Variants in C4orf51 observed in about 807,000 individuals in gnomAD.
C4orf51 encodes the protein chromosome 4 open reading frame 51.
Under a neutral mutation model 25.2 loss-of-function variants are expected in C4orf51, and 25 were observed. The observed-to-expected ratio is 0.99, with a 90% confidence interval of 0.72 to 1.39. C4orf51 has a LOEUF of 1.39. Ranked by LOEUF, C4orf51 falls within the 40% of genes most tolerant of loss-of-function variation. C4orf51 has a pLI of 0.00. For synonymous variants in C4orf51, 100 were observed against 84.5 expected (o/e 1.18, Z -1.01); for missense variants, 252 against 239.6 (o/e 1.05, Z -0.34).
chr4:145,700,318 C>G (rs995541130), intron 2 of C4orf51, among the ~76,000 whole-genome samples: 1 of 151,850 alleles, frequency 6.6e-6, no homozygotes, highest in Non-Finnish European at 1.5e-5. Flanking sequence ...GGTAAGAACC[C>G]CCAAATCCCT....
At chr4:145,742,724 T>G (rs1033902645) in intron 1 of C4orf51, among the ~76,000 whole-genome samples, 1 of 151,774 alleles carries the variant, frequency 6.6e-6, no homozygotes, top group African/African-American at 2.4e-5. Context: ...GTATTTTTAG[T>G]AGAGACGGGG....
rs749345999 is a variant in C4orf51, at chr4:145,680,150, C to A, written c.-54C>A. 7 of 1,328,224 alleles carry A rather than the reference C, an allele frequency of 5.3e-6. No homozygotes were observed. The highest frequency in any genetic ancestry group is 6.5e-6 in the Non-Finnish European group (6 of 923,176). The allele number at this position is 1,328,224 out of a possible 1,614,324, so 82.3% of individuals were successfully genotyped here. ...TCCTGCTACTAGAAGGAAATTAATT[C>A]TTCATTATGCAGAGGACTTGACAAG... is the stretch of plus-strand genomic sequence containing the variant. On this transcript the variant is annotated 5_prime_UTR_variant, in exon 1 of 6. Coordinates refer to ENST00000438731, the MANE Select transcript of C4orf51 (RefSeq NM_001080531.3).
intron 2 of C4orf51, among the ~76,000 whole-genome samples, chr4:145,704,288 C>T (rs1730654866): frequency 6.6e-6 from 1 of 152,144 alleles, no homozygotes; most frequent in Non-Finnish European, 1.5e-5. Flanking sequence ...CTCTCAACCT[C>T]TCCTGGATCT....
the C4orf51 span, among the ~76,000 whole-genome samples, chr4:145,776,657 G>C: frequency 6.6e-6 from 1 of 152,050 alleles, no homozygotes; most frequent in Non-Finnish European, 1.5e-5. Context: ...GGTGAGTGCT[G>C]AGCAGGGGAG....
Position 145,731,564 on chromosome 4 carries a change from C to CTTTTT in C4orf51, c.502-860_502-856dup, listed in dbSNP as rs398051305. ...TTTTTATTTATGAGACAAGGCAAAT[C>CTTTTT]TTTTTTTTTTTTTTTTTTTTTTTTT... is the stretch of plus-strand genomic sequence containing the variant. On this transcript the variant is annotated intron_variant, in intron 5 of 5. Coordinates refer to ENST00000438731, the MANE Select transcript of C4orf51 (RefSeq NM_001080531.3). 4.4e-3 allele frequency among the ~76,000 whole-genome samples: 191 copies of CTTTTT among 43,870 alleles called. 30 individuals are homozygous for CTTTTT. Among genetic ancestry groups the CTTTTT allele is most frequent in the East Asian group, 0.026 (31 of 1,206 alleles). The allele number at this position is 43,870 out of a possible 152,430, so 28.8% of individuals were successfully genotyped here.
At chr4:145,725,279 A>G (rs1731993708) in intron 2 of C4orf51, among the ~76,000 whole-genome samples, 1 of 152,234 alleles carries the variant, frequency 6.6e-6, no homozygotes, top group Non-Finnish European at 1.5e-5. Context: ...AATCACAAAG[A>G]CAATAACAAA....
intron 1 of C4orf51, among the ~76,000 whole-genome samples, chr4:145,686,822 A>G (rs1337018876): frequency 6.6e-6 from 1 of 152,216 alleles, no homozygotes; most frequent in Admixed American, 6.5e-5. Flanking sequence ...ATAATGAAGC[A>G]CTGATTAATG....
At chr4:145,685,964 A>T (rs2126656688) in intron 1 of C4orf51, among the ~76,000 whole-genome samples, 1 of 152,356 alleles carries the variant, frequency 6.6e-6, no homozygotes, top group South Asian at 2.1e-4. Flanking sequence ...TAATACATAA[A>T]GTATGATAAA....
intron 1 of C4orf51, among the ~76,000 whole-genome samples, chr4:145,685,542 G>T (rs540704183): frequency 6.6e-6 from 1 of 152,110 alleles, no homozygotes; most frequent in African/African-American, 2.4e-5. Context: ...AGCAAGCAGC[G>T]GGTAACGTGA....
intron 1 of C4orf51, among the ~76,000 whole-genome samples, chr4:145,751,912 A>G (rs1733698736): frequency 6.6e-6 from 1 of 152,146 alleles, no homozygotes; most frequent in Non-Finnish European, 1.5e-5. Context: ...CTCTCTCCAT[A>G]GCCACCACTA....
At chr4:145,777,364 T>C in the C4orf51 span, among the ~76,000 whole-genome samples, 1 of 152,212 alleles carries the variant, frequency 6.6e-6, no homozygotes, top group Non-Finnish European at 1.5e-5. Context: ...TTTAATAACA[T>C]TGGAATTTCC....
rs192124204 is a variant in C4orf51, at chr4:145,744,959, A to C, written n.168-9248A>C. 1.7e-3 allele frequency among the ~76,000 whole-genome samples: 253 copies of C among 152,256 alleles called. 1 individual carries two copies. The highest frequency in any genetic ancestry group is 5.9e-3 in the African/African-American group (246 of 41,552). On this transcript the variant is annotated intron_variant and non_coding_transcript_variant, in intron 1 of 1. Coordinates refer to the C4orf51 transcript ENST00000508981. Reference sequence around the variant, plus strand: ...TTAATTGTAGAAAAGGTGAGCAAGGAGGTATTCATTCTGATTAATAAGATA... The same window carrying C: ...TTAATTGTAGAAAAGGTGAGCAAGGCGGTATTCATTCTGATTAATAAGATA...
At chr4:145,775,388 G>A (rs1050135638), downstream of C4orf51, among the ~76,000 whole-genome samples, 5 of 151,776 alleles carry the variant, frequency 3.3e-5, no homozygotes, top group African/African-American at 1.2e-4. Flanking sequence ...ACGCCTTCTG[G>A]GCTAGTTCTC....
At chr4:145,791,235 C>G in the C4orf51 span, among the ~76,000 whole-genome samples, 4 of 152,212 alleles carry the variant, frequency 2.6e-5, no homozygotes, top group African/African-American at 7.2e-5. Flanking sequence ...TCACAGACAG[C>G]CATCTTTCTC....
rs1394562826 is a variant in C4orf51 at position 145,768,119 on chromosome 4, T to C, written n.167-2869T>C. ...TTGCGTGAGGTTCTTATACAACATA[T>C]GAAGTGGTTTAATCAATCATTTGAA... On this transcript the variant is annotated intron_variant and non_coding_transcript_variant, in intron 1 of 1. Coordinates refer to the C4orf51 transcript ENST00000510096. Among the ~76,000 whole-genome samples the C allele has an allele frequency of 2.0e-5, 3 of 152,158 alleles. No individual in the cohort carries two copies. In the East Asian group the frequency reaches 5.8e-4, roughly 29 times the overall value.
chr4:145,689,933 G>A (rs761895522), intron 1 of C4orf51, among the ~76,000 whole-genome samples: 5 of 152,094 alleles, frequency 3.3e-5, no homozygotes, highest in African/African-American at 7.2e-5. Flanking sequence ...GGCTGGGCGC[G>A]GTGGCTCACA....
intron 2 of C4orf51, among the ~76,000 whole-genome samples, chr4:145,697,240 C>G (rs1456108432): frequency 6.6e-6 from 1 of 151,838 alleles, no homozygotes; most frequent in Non-Finnish European, 1.5e-5. Context: ...GCTGGGATTA[C>G]AGGCACCTGC....
At chr4:145,693,630 C>T (rs1187694949) in intron 1 of C4orf51, among the ~76,000 whole-genome samples, 1 of 133,848 alleles carries the variant, frequency 7.5e-6, no homozygotes, top group Non-Finnish European at 1.6e-5. Flanking sequence ...CGCCCCTCAC[C>T]TCCCGGACGG....
rs1312293704 is a variant in C4orf51, at chr4:145,761,385, C to T, written n.167-9603C>T. The T allele has an allele frequency of 3.1e-6, 4 of 1,289,784 alleles. No individual in the cohort carries two copies. The highest frequency in any genetic ancestry group is 3.0e-6 in the Non-Finnish European group (3 of 988,888). The allele number at this position is 1,289,784 out of a possible 1,614,324, so 79.9% of individuals were successfully genotyped here. A position where few individuals can be genotyped will look rare whatever the true frequency, so the allele number is the denominator to read the frequency against. ...GCTCCCCGGTGTGGACGCGCACGTG[C>T]TCGATGAGCTTGTTGGCGGTCTTGG... On this transcript the variant is annotated intron_variant and non_coding_transcript_variant, in intron 1 of 1. Coordinates refer to the C4orf51 transcript ENST00000510096. This position sits in a 1 kb window ranked among gnomAD's most constrained non-coding sequence, Gnocchi z 6.8.
Sources: gnomAD v4.1 joint callset for allele counts (sites outside exome capture counted in the v4.1 genomes callset) on GRCh38, gnomAD v4.1.1 for gene constraint, Gnocchi (gnomAD v3.1) non-coding constraint, MANE v1.5 for transcripts, NCBI Gene and HGNC (gene_info 2026-07-23, HGNC 2026-07-21) for gene names.